The following PCDH15 variants were observed in gnomAD, a reference collection of about 807,000 sequenced individuals.
PCDH15 encodes the protein protocadherin related 15.
In PCDH15, 129 loss-of-function variants were observed where a neutral mutation model predicts 178.5. The observed-to-expected ratio is 0.72, with a 90% CI of 0.63 to 0.84. The LOEUF (loss-of-function observed/expected upper bound fraction) is 0.84. Ranked by LOEUF, PCDH15 falls within the 40% of genes least tolerant of loss-of-function variation. The pLI, the probability that PCDH15 is intolerant of heterozygous loss-of-function variation, is 0.00. For synonymous variants in PCDH15, 800 were observed against 732.0 expected (o/e 1.09, Z -1.50); for missense variants, 2,230 against 2,099.9 (o/e 1.06, Z -1.21).
At chr10:55,618,680 G>A (rs992220923) in intron 2 of PCDH15, among the ~76,000 whole-genome samples, 4 of 151,998 alleles carry the variant, frequency 2.6e-5, no homozygotes, top group Non-Finnish European at 5.9e-5. Flanking sequence ...TATTAGCGGT[G>A]AAGAAACTGA....
At chr10:54,889,777 C>A (rs1043159652) in intron 3 of PCDH15, among the ~76,000 whole-genome samples, 16 of 151,550 alleles carry the variant, frequency 1.1e-4, no homozygotes, top group African/African-American at 1.9e-4. Context: ...TTGAATTAAT[C>A]ATTCTTACAT....
chr10:55,125,913 T>C (rs1837887337), intron 2 of PCDH15, among the ~76,000 whole-genome samples: 1 of 152,136 alleles, frequency 6.6e-6, no homozygotes, highest in Admixed American at 6.6e-5. Context: ...GGTCAGAATA[T>C]TGGCTAAACG....
chr10:55,002,060 T>C (rs545277909), intron 2 of PCDH15, among the ~76,000 whole-genome samples: 1 of 152,332 alleles, frequency 6.6e-6, no homozygotes, highest in East Asian at 1.9e-4. Context: ...TTGAAGATTC[T>C]ACTGGTGGAA....
chr10:54,848,382 C>CAA (rs34830502), intron 3 of PCDH15, among the ~76,000 whole-genome samples: 16 of 85,152 alleles, frequency 1.9e-4, no homozygotes, highest in African/African-American at 6.4e-4. Flanking sequence ...AACTCCATCT[C>CAA]AAAAAAAAAA....
chr10:55,214,083 C>A (rs1375036130), intron 1 of PCDH15, among the ~76,000 whole-genome samples: 4 of 151,928 alleles, frequency 2.6e-5, no homozygotes, highest in African/African-American at 9.7e-5. Context: ...TTATTGATTT[C>A]TAGCTTAAGT....
intron 8 of PCDH15, among the ~76,000 whole-genome samples, chr10:54,296,891 G>C (rs2059830699): frequency 6.6e-6 from 1 of 152,116 alleles, no homozygotes. Flanking sequence ...ATAGGGCATG[G>C]ATAAAGTCCC....
chr10:53,980,768 G>T (rs2090571344), intron 21 of PCDH15, among the ~76,000 whole-genome samples: 1 of 152,116 alleles, frequency 6.6e-6, no homozygotes, highest in South Asian at 2.1e-4. Flanking sequence ...CAACACTAGT[G>T]ACATCAGTCA....
intron 17 of PCDH15, among the ~76,000 whole-genome samples, chr10:54,075,111 C>T (rs2094316360): frequency 6.6e-6 from 1 of 152,042 alleles, no homozygotes; most frequent in African/African-American, 2.4e-5. Context: ...GGCGTGGTGG[C>T]TCACACCTGT....
chr10:54,169,067 T>C (rs890705232), intron 13 of PCDH15, among the ~76,000 whole-genome samples: 51 of 151,984 alleles, frequency 3.4e-4, no homozygotes, highest in Admixed American at 8.5e-4. Context: ...AAGGAATGCC[T>C]GCAGCCCGGG....
At chr10:55,312,128 C>T (rs1843599746) in intron 1 of PCDH15, among the ~76,000 whole-genome samples, 1 of 152,018 alleles carries the variant, frequency 6.6e-6, no homozygotes. Context: ...CGAGGGCAAA[C>T]TGCTGAAAGG....
At chr10:54,772,198 GTTAC>G (rs947610276) in intron 1 of PCDH15, among the ~76,000 whole-genome samples, 9 of 151,968 alleles carry the variant, frequency 5.9e-5, no homozygotes, top group Non-Finnish European at 1.3e-4. Context: ...CATTTAAATA[GTTAC>G]TTGTATTTTA....
At chr10:54,209,796 T>C (rs1045266391) in intron 10 of PCDH15, among the ~76,000 whole-genome samples, 1 of 152,112 alleles carries the variant, frequency 6.6e-6, no homozygotes, top group Non-Finnish European at 1.5e-5. Flanking sequence ...TTTAAAATCA[T>C]TGAATCAGGG....
intron 7 of PCDH15, among the ~76,000 whole-genome samples, chr10:54,319,260 A>G (rs1038406767): frequency 6.6e-6 from 1 of 152,214 alleles, no homozygotes; most frequent in African/African-American, 2.4e-5. Flanking sequence ...CACAACAGAC[A>G]AAACTTGGCA....
chr10:55,446,505 G>A (rs1471321972), intron 2 of PCDH15, among the ~76,000 whole-genome samples: 3 of 151,914 alleles, frequency 2.0e-5, no homozygotes, highest in Admixed American at 6.6e-5. Flanking sequence ...TCATAAAAAC[G>A]GGAAGATAAA....
chr10:54,377,642 G>A (rs1329963613), intron 4 of PCDH15, among the ~76,000 whole-genome samples: 1 of 152,070 alleles, frequency 6.6e-6, no homozygotes, highest in African/African-American at 2.4e-5. Flanking sequence ...CATAAACCCT[G>A]AGCAATGATG....
chr10:53,888,346 A>ACGTACATATATC (rs2081290617), intron 26 of PCDH15, among the ~76,000 whole-genome samples: 1 of 53,878 alleles, frequency 1.9e-5, no homozygotes, highest in Admixed American at 2.9e-4. Context: ...GTATATATAT[A>ACGTACATATATC]TACGTATATA....
Position 54,043,009 on chromosome 10 carries a change from A to G in PCDH15, c.2221-19812T>C, listed in dbSNP as rs531654780. 3.6e-3 allele frequency among the ~76,000 whole-genome samples: 542 copies of G among 152,218 alleles called. 5 individuals carry two copies. Among genetic ancestry groups the G allele is most frequent in the African/African-American group, 0.012 (496 of 41,556 alleles). On this transcript the variant is annotated intron_variant, in intron 18 of 37. Transcript: ENST00000644397. Reference sequence around the variant, plus strand: ...TTAAGATGAGATTTTGGAATTTGCTAATTTGCTAGCCAAATGGCATGCTTA... The same window carrying G: ...TTAAGATGAGATTTTGGAATTTGCTGATTTGCTAGCCAAATGGCATGCTTA...
chr10:54,487,409 G>A (rs1217345724), intron 3 of PCDH15, among the ~76,000 whole-genome samples: 4 of 151,952 alleles, frequency 2.6e-5, no homozygotes, highest in African/African-American at 9.7e-5. Flanking sequence ...TGTTATTCTG[G>A]TGACGGATAC....
At chr10:55,400,826 T>A (rs1838044436) in intron 2 of PCDH15, among the ~76,000 whole-genome samples, 1 of 152,136 alleles carries the variant, frequency 6.6e-6, no homozygotes, top group Non-Finnish European at 1.5e-5. Flanking sequence ...CCCAGATGAA[T>A]CCTAAACTAA....
Sources: allele counts gnomAD v4.1 joint callset (sites outside exome capture counted in the v4.1 genomes callset), GRCh38; gene constraint gnomAD v4.1.1; transcripts MANE v1.5; gene names NCBI Gene and HGNC (gene_info 2026-07-23, HGNC 2026-07-21).